The following SPRYD4 variants were observed in gnomAD, a reference collection of about 807,000 sequenced individuals.
SPRYD4 encodes the protein SPRY domain containing 4, also known as SPRY domain-containing protein 4.
In SPRYD4, 12 loss-of-function variants were observed where a neutral mutation model predicts 16.6. That is an observed-to-expected ratio of 0.72 (90% CI 0.46 to 1.17). SPRYD4 has a LOEUF of 1.17. Among genes scored for constraint, SPRYD4 ranks in the 50% most tolerant of loss-of-function variants. The pLI is 0.00. For missense variants in SPRYD4, 260 were observed against 260.2 expected (o/e 1.00, Z 0.00); for synonymous variants, 98 against 105.4 (o/e 0.93, Z 0.43).
Position 56,469,925 on chromosome 12 carries a change from C to T in SPRYD4, c.*348C>T, listed in dbSNP as rs1869165044. 3.9e-6 allele frequency: 1 copy of T among 256,620 alleles called. No individual in the cohort carries two copies. The highest frequency in any genetic ancestry group is 7.7e-6 in the Non-Finnish European group (1 of 130,352). The allele number at this position is 256,620 out of a possible 1,614,324, so 15.9% of individuals were successfully genotyped here. A position where few individuals can be genotyped will look rare whatever the true frequency, so the allele number is the denominator to read the frequency against. ...TTCAGCTTTGTTTGAATTTATTAAT[C>T]ACCATGATACCTCTCCCTCCCTTTG... On this transcript the variant is annotated 3_prime_UTR_variant, in exon 2 of 2. Coordinates refer to ENST00000338146, the MANE Select transcript of SPRYD4 (RefSeq NM_207344.4).
Position 56,479,138 on chromosome 12 carries a change from T to C in SPRYD4, c.*9561T>C, listed in dbSNP as rs1870081417. 6.2e-7 allele frequency: 1 copy of C among 1,613,928 alleles called. No individual in the cohort carries two copies. Among genetic ancestry groups the C allele is most frequent in the Admixed American group, 1.7e-5 (1 of 59,970 alleles). ...TCAAAATCAGGAATGACAAACTTCT[T>C]TCGGAATGCCTGGGTCAGGAGCACA... On this transcript the variant is annotated 3_prime_UTR_variant, in exon 2 of 2. Transcript: ENST00000338146.
chr12:56,476,295 C>T lies in SPRYD4; in HGVS notation c.*6718C>T, dbSNP rs1046812534. 11 of 329,622 alleles carry T rather than the reference C, an allele frequency of 3.3e-5. No individual in the cohort carries two copies. Among genetic ancestry groups the T allele is most frequent in the Non-Finnish European group, 5.1e-5 (9 of 174,964 alleles). The allele number at this position is 329,622 out of a possible 1,614,324, so 20.4% of individuals were successfully genotyped here. A position where few individuals can be genotyped will look rare whatever the true frequency, so the allele number is the denominator to read the frequency against. ...CTCCCACTTCAGCCTCCAAGTAGCT[C>T]GGATTACAGGCATGAGCCAGCTTGC... On this transcript the variant is annotated 3_prime_UTR_variant, in exon 2 of 2. Coordinates refer to ENST00000338146, the MANE Select transcript of SPRYD4 (RefSeq NM_207344.4).
At position 56,473,631 on chromosome 12, in the gene SPRYD4, G is replaced by T; in HGVS notation, c.*4054G>T. On this transcript the variant is annotated 3_prime_UTR_variant, in exon 2 of 2. Transcript: ENST00000338146. ...AACTGAAGCTGAGGATAAAGTGGGTGTGCCCCAAATCAGAAAATAAACAAG... is the reference window on the plus strand; with the variant it reads ...AACTGAAGCTGAGGATAAAGTGGGTTTGCCCCAAATCAGAAAATAAACAAG... 1 of 1,581,786 alleles carries T rather than the reference G, an allele frequency of 6.3e-7. No homozygotes were observed. The highest frequency in any genetic ancestry group is 8.6e-7 in the Non-Finnish European group (1 of 1,162,116).
In SPRYD4 at chr12:56,471,694, T is replaced by C. The variant is rs1592271162; in HGVS notation, c.*2117T>C. On this transcript the variant is annotated 3_prime_UTR_variant, in exon 2 of 2. Transcript: ENST00000338146. ...GCAAAGGAGACGTGGAGAGTGGTGG[T>C]TGTATATATTTGCATGGTGGCTGGA... The C allele has an allele frequency of 1.2e-6, 2 of 1,611,604 alleles. No individual in the cohort carries two copies. Among genetic ancestry groups the C allele is most frequent in the African/African-American group, 2.7e-5 (2 of 74,774 alleles).
At chr12:56,468,770 G>A in intron 1 of SPRYD4, 94 bp downstream of exon 1, 2 of 1,366,292 alleles carry the variant, frequency 1.5e-6, no homozygotes, top group South Asian at 1.2e-5. Context: ...ACCCTCTCGG[G>A]TCTTTTCCTT....
At position 56,475,412 on chromosome 12, in the gene SPRYD4, C is replaced by T. The variant is rs1869714774; in HGVS notation, c.*5835C>T. On this transcript the variant is annotated 3_prime_UTR_variant, in exon 2 of 2. Coordinates refer to ENST00000338146, the MANE Select transcript of SPRYD4 (RefSeq NM_207344.4). ...GGCTTAGGCACAAACCATCACACTG[C>T]CTCTCTCATTATGTACTAATTAGAA... is the stretch of plus-strand genomic sequence containing the variant. The T allele has an allele frequency of 8.5e-6, 6 of 702,922 alleles. No individual in the cohort carries two copies. The highest frequency in any genetic ancestry group is 1.4e-5 in the Non-Finnish European group (6 of 429,972). 43.5% of individuals were successfully genotyped at this position (702,922 alleles called of 1,614,324 possible). A position where few individuals can be genotyped will look rare whatever the true frequency, so the allele number is the denominator to read the frequency against.
rs148826392 is a variant in SPRYD4 at position 56,474,590 on chromosome 12, A to C, written c.*5013A>C. 103 of 1,614,092 alleles carry C rather than the reference A, an allele frequency of 6.4e-5. No individual in the cohort carries two copies. The highest frequency in any genetic ancestry group is 8.6e-5 in the Non-Finnish European group (101 of 1,180,050). The stretch of plus-strand genomic sequence containing the variant: ...GAAGTCATACATGCCGCAGGAATGC[A>C]TGAGGCTGAGGGTGTTGCGCACTGC... On this transcript the variant is annotated 3_prime_UTR_variant, in exon 2 of 2. Coordinates refer to ENST00000338146, the MANE Select transcript of SPRYD4 (RefSeq NM_207344.4).
In SPRYD4 at chr12:56,475,397, C is replaced by G; in HGVS notation, c.*5820C>G. 1 of 727,488 alleles carries G rather than the reference C, an allele frequency of 1.4e-6. No individual in the cohort carries two copies. Among genetic ancestry groups the G allele is most frequent in the Non-Finnish European group, 2.2e-6 (1 of 452,406 alleles). The allele number at this position is 727,488 out of a possible 1,614,324, so 45.1% of individuals were successfully genotyped here. A position where few individuals can be genotyped will look rare whatever the true frequency, so the allele number is the denominator to read the frequency against. On this transcript the variant is annotated 3_prime_UTR_variant, in exon 2 of 2. Transcript: ENST00000338146. ...GTCTTGGCAAGAAAGGGCTTAGGCA[C>G]AAACCATCACACTGCCTCTCTCATT...
At position 56,473,782 on chromosome 12, in the gene SPRYD4, C is replaced by A; in HGVS notation, c.*4205C>A. The A allele has an allele frequency of 3.0e-6, 2 of 659,476 alleles. No individual in the cohort carries two copies. Among genetic ancestry groups the A allele is most frequent in the Non-Finnish European group, 2.4e-6 (1 of 422,898 alleles). The allele number at this position is 659,476 out of a possible 1,614,324, so 40.9% of individuals were successfully genotyped here. A position where few individuals can be genotyped will look rare whatever the true frequency, so the allele number is the denominator to read the frequency against. On this transcript the variant is annotated 3_prime_UTR_variant, in exon 2 of 2. Transcript: ENST00000338146. Reference sequence around the variant, plus strand: ...CCTTCCCTTAAATTCATTGATTCAGCTAGAAAATATTTTTTGAAATACTTA... The same window carrying A: ...CCTTCCCTTAAATTCATTGATTCAGATAGAAAATATTTTTTGAAATACTTA...
At position 56,479,299 on chromosome 12, in the gene SPRYD4, C is replaced by G; in HGVS notation, c.*9722C>G. On this transcript the variant is annotated 3_prime_UTR_variant, in exon 2 of 2. Transcript: ENST00000338146. Reference sequence around the variant, plus strand: ...TGGTCTTCAGGTTTGGGATCAACAGCTCTGTTACCTTTGGCAAATCAGTTT... The same window carrying G: ...TGGTCTTCAGGTTTGGGATCAACAGGTCTGTTACCTTTGGCAAATCAGTTT... 1 of 1,293,622 alleles carries G rather than the reference C, an allele frequency of 7.7e-7. No individual in the cohort carries two copies. Among genetic ancestry groups the G allele is most frequent in the Non-Finnish European group, 1.0e-6 (1 of 964,266 alleles). The allele number at this position is 1,293,622 out of a possible 1,614,324, so 80.1% of individuals were successfully genotyped here.
Position 56,469,501 on chromosome 12 carries a change from C to T in SPRYD4, c.548C>T (p.Pro183Leu). 2 of 1,614,150 alleles carry T rather than the reference C, an allele frequency of 1.2e-6. No homozygotes were observed. The highest frequency in any genetic ancestry group is 1.7e-6 in the Non-Finnish European group (2 of 1,180,032). Reference protein sequence around the residue: ...VHTLQTDFRGPVVPAFALWDG... With the variant: ...VHTLQTDFRGLVVPAFALWDG... ...ACGCTACAGACAGATTTCCGGGGTC[C>T]AGTGGTGCCTGCCTTTGCTCTCTGG... Residue 183 changes from proline (P) to leucine (L), a missense_variant, in exon 2 of 2, where the codon CCA becomes CTA. Transcript: ENST00000338146.
Position 56,472,066 on chromosome 12 carries a change from A to C in SPRYD4, c.*2489A>C. On this transcript the variant is annotated 3_prime_UTR_variant, in exon 2 of 2. Coordinates refer to ENST00000338146, the MANE Select transcript of SPRYD4 (RefSeq NM_207344.4). ...ATATAATGAAGGTACTTTTGGTGAA[A>C]AAGAAAGGGTCTTATGATTACCCTC... is the stretch of plus-strand genomic sequence containing the variant. 1 of 1,583,734 alleles carries C rather than the reference A, an allele frequency of 6.3e-7. No individual in the cohort carries two copies. The highest frequency in any genetic ancestry group is 1.3e-5 in the African/African-American group (1 of 74,144).
chr12:56,479,592 G>T lies in SPRYD4; in HGVS notation c.*10015G>T. ...AGAGGACAGGGATTGAGTAGGGAGG[G>T]AAAGGAGAACATGTATTTCTATATT... On this transcript the variant is annotated 3_prime_UTR_variant, in exon 2 of 2. Transcript: ENST00000338146. The T allele has an allele frequency of 1.5e-6, 1 of 652,630 alleles. No individual in the cohort carries two copies. The highest frequency in any genetic ancestry group is 2.3e-6 in the Non-Finnish European group (1 of 436,246). The allele number at this position is 652,630 out of a possible 1,614,324, so 40.4% of individuals were successfully genotyped here. A position where few individuals can be genotyped will look rare whatever the true frequency, so the allele number is the denominator to read the frequency against.
In SPRYD4 at chr12:56,475,195, G is replaced by A; in HGVS notation, c.*5618G>A. On this transcript the variant is annotated 3_prime_UTR_variant, in exon 2 of 2. Coordinates refer to ENST00000338146, the MANE Select transcript of SPRYD4 (RefSeq NM_207344.4). ...AAAAATTACCTTCCCTGGAGAGACA[G>A]AACTACATCACACCACAAACTAAAT... 1.2e-6 allele frequency: 2 copies of A among 1,605,534 alleles called. No homozygotes were observed. Among genetic ancestry groups the A allele is most frequent in the Non-Finnish European group, 1.7e-6 (2 of 1,179,932 alleles).
chr12:56,477,517 T>C lies in SPRYD4; in HGVS notation c.*7940T>C. The C allele has an allele frequency of 1.3e-6, 1 of 755,584 alleles. No individual in the cohort carries two copies. The highest frequency in any genetic ancestry group is 2.5e-5 in the East Asian group (1 of 39,972). 46.8% of individuals were successfully genotyped at this position (755,584 alleles called of 1,614,324 possible). On this transcript the variant is annotated 3_prime_UTR_variant, in exon 2 of 2. Coordinates refer to ENST00000338146, the MANE Select transcript of SPRYD4 (RefSeq NM_207344.4). Reference sequence around the variant, plus strand: ...ATTGTCAGCATAACATGTGGGTCCCTGCTGTGCCTCATGTGCCTTCTGGGG... The same window carrying C: ...ATTGTCAGCATAACATGTGGGTCCCCGCTGTGCCTCATGTGCCTTCTGGGG...
chr12:56,478,344 T>C lies in SPRYD4; in HGVS notation c.*8767T>C. On this transcript the variant is annotated 3_prime_UTR_variant, in exon 2 of 2. Coordinates refer to ENST00000338146, the MANE Select transcript of SPRYD4 (RefSeq NM_207344.4). ...GAGGTTGAGGGTCAAGAGAATCTTTTAGATAAAAGCTAAAATTCTGTCTTC... is the reference window on the plus strand; with the variant it reads ...GAGGTTGAGGGTCAAGAGAATCTTTCAGATAAAAGCTAAAATTCTGTCTTC... The C allele has an allele frequency of 2.1e-6, 3 of 1,446,772 alleles. No individual in the cohort carries two copies. Among genetic ancestry groups the C allele is most frequent in the South Asian group, 1.2e-5 (1 of 84,496 alleles). The allele number at this position is 1,446,772 out of a possible 1,614,324, so 89.6% of individuals were successfully genotyped here.
Position 56,472,586 on chromosome 12 carries a change from C to G in SPRYD4, c.*3009C>G, listed in dbSNP as rs932796772. On this transcript the variant is annotated 3_prime_UTR_variant, in exon 2 of 2. Coordinates refer to ENST00000338146, the MANE Select transcript of SPRYD4 (RefSeq NM_207344.4). The stretch of plus-strand genomic sequence containing the variant: ...CATTTAAATGCAATCTATATCCATT[C>G]TAATTCCAAAGCTGAAGCACTTAAC... The G allele has an allele frequency of 1.9e-6, 2 of 1,063,522 alleles. No homozygotes were observed. The highest frequency in any genetic ancestry group is 3.2e-5 in the African/African-American group (2 of 62,778). The allele number at this position is 1,063,522 out of a possible 1,614,324, so 65.9% of individuals were successfully genotyped here.
Position 56,477,330 on chromosome 12 carries a change from G to A in SPRYD4, c.*7753G>A. 4.6e-6 allele frequency: 1 copy of A among 216,246 alleles called. No homozygotes were observed. Among genetic ancestry groups the A allele is most frequent in the Non-Finnish European group, 9.2e-6 (1 of 108,894 alleles). The allele number at this position is 216,246 out of a possible 1,614,324, so 13.4% of individuals were successfully genotyped here. A position where few individuals can be genotyped will look rare whatever the true frequency, so the allele number is the denominator to read the frequency against. On this transcript the variant is annotated 3_prime_UTR_variant, in exon 2 of 2. Transcript: ENST00000338146. ...TGGCCAATCAGTGCCCAATAGTGCTGTCCTCCCCTTGTCTCTGGCATTTGG... is the reference window on the plus strand; with the variant it reads ...TGGCCAATCAGTGCCCAATAGTGCTATCCTCCCCTTGTCTCTGGCATTTGG...
At position 56,474,612 on chromosome 12, in the gene SPRYD4, C is replaced by T; in HGVS notation, c.*5035C>T. 1 of 1,614,236 alleles carries T rather than the reference C, an allele frequency of 6.2e-7. No homozygotes were observed. The highest frequency in any genetic ancestry group is 1.3e-5 in the African/African-American group (1 of 75,072). ...TGCATGAGGCTGAGGGTGTTGCGCACTGCTTCAGCACTCAGCACACTCTCG... is the reference window on the plus strand; with the variant it reads ...TGCATGAGGCTGAGGGTGTTGCGCATTGCTTCAGCACTCAGCACACTCTCG... On this transcript the variant is annotated 3_prime_UTR_variant, in exon 2 of 2. Coordinates refer to ENST00000338146, the MANE Select transcript of SPRYD4 (RefSeq NM_207344.4).
Sources: allele counts gnomAD v4.1 joint callset, GRCh38; gene constraint gnomAD v4.1.1; transcripts MANE v1.5; gene names NCBI Gene and HGNC (gene_info 2026-07-23, HGNC 2026-07-21).